CYP7B1: variants seen among roughly 807,000 people sequenced by gnomAD.
The protein encoded by CYP7B1 is cytochrome P450 7B1.
CYP7B1 carries 29 observed loss-of-function variants against 42.7 expected under a neutral mutation model. The ratio of observed to expected loss-of-function variants is 0.68; its 90% CI spans 0.51 to 0.93. The LOEUF is 0.93. Ranked by LOEUF, CYP7B1 falls within the 40% of genes least tolerant of loss-of-function variation. The probability of loss-of-function intolerance (pLI) is 0.00; values close to 1 mark genes in which losing one functional copy is unlikely to be tolerated. For synonymous variants in CYP7B1, 235 were observed against 218.2 expected, an observed-to-expected ratio of 1.08 and a Z score of -0.68; for missense variants, 655 against 600.5, an observed-to-expected ratio of 1.09 and a Z score of -0.95.
In CYP7B1 at chr8:64,726,044, A is replaced by AT. The variant is rs1807319391; in HGVS notation, c.122+72421dup. Among the ~76,000 whole-genome samples, 3 of 152,160 alleles carry AT rather than the reference A, an allele frequency of 2.0e-5. No homozygotes were observed. The South Asian group carries it at 6.2e-4, about 32-fold the overall frequency. ...GTTCTCCTGTGAGGATCTGACTGACATTTTTTAATTAAACTGGCCCACTGG... is the reference window on the plus strand; with the variant it reads ...GTTCTCCTGTGAGGATCTGACTGACATTTTTTTAATTAAACTGGCCCACTGG... On this transcript the variant is annotated intron_variant, in intron 1 of 5. Coordinates refer to ENST00000310193, the MANE Select transcript of CYP7B1 (RefSeq NM_004820.5).
intron 1 of CYP7B1, among the ~76,000 whole-genome samples, chr8:64,690,906 G>A (rs1200137506): frequency 6.6e-6 from 1 of 152,180 alleles, no homozygotes; most frequent in Non-Finnish European, 1.5e-5. Flanking sequence ...AGTAAGAAAT[G>A]GAACCAAATA....
chr8:64,784,249 G>T (rs1804482903), intron 1 of CYP7B1, among the ~76,000 whole-genome samples: 1 of 152,104 alleles, frequency 6.6e-6, no homozygotes, highest in African/African-American at 2.4e-5. Context: ...GAGACAGCAG[G>T]ACTTAGAACA....
chr8:64,797,474 C>A (rs1249047296), intron 1 of CYP7B1, among the ~76,000 whole-genome samples: 3 of 152,158 alleles, frequency 2.0e-5, no homozygotes, highest in Non-Finnish European at 4.4e-5. Flanking sequence ...AAAAGGCAAC[C>A]TGGAAGCGCA....
Position 64,594,001 on chromosome 8 carries a change from T to C in CYP7B1, c.*2641A>G, listed in dbSNP as rs542822916. 9.9e-5 allele frequency among the ~76,000 whole-genome samples: 15 copies of C among 152,212 alleles called. No individual in the cohort carries two copies. Among genetic ancestry groups the C allele is most frequent in the African/African-American group, 3.6e-4 (15 of 41,522 alleles). On this transcript the variant is annotated 3_prime_UTR_variant, in exon 6 of 6. Transcript: ENST00000310193. ...CTGACACTCTGACTCAAAATCAACC[T>C]TGGAGACCCTACAGAATGGAGAGGA...
chr8:64,690,682 G>A (rs1806725031), intron 1 of CYP7B1, among the ~76,000 whole-genome samples: 1 of 152,170 alleles, frequency 6.6e-6, no homozygotes, highest in Non-Finnish European at 1.5e-5. Flanking sequence ...AAAGAAATAT[G>A]TGAGAATTGT....
At chr8:64,692,319 G>A (rs1418837445) in intron 1 of CYP7B1, among the ~76,000 whole-genome samples, 1 of 152,156 alleles carries the variant, frequency 6.6e-6, no homozygotes, top group African/African-American at 2.4e-5. Context: ...TCTTTTTTGA[G>A]ACTATGTGTA....
intron 1 of CYP7B1, among the ~76,000 whole-genome samples, chr8:64,701,009 A>G (rs886780999): frequency 1.3e-5 from 2 of 152,068 alleles, no homozygotes; most frequent in African/African-American, 4.8e-5. Flanking sequence ...TCCTAAGAGT[A>G]ATGAAAACTT....
At chr8:64,601,063 T>A (rs1805195856) in intron 5 of CYP7B1, among the ~76,000 whole-genome samples, 2 of 152,222 alleles carry the variant, frequency 1.3e-5, no homozygotes, top group South Asian at 4.1e-4. Context: ...AGATAAAAAA[T>A]TATTGAGAGT....
intron 1 of CYP7B1, among the ~76,000 whole-genome samples, chr8:64,771,047 C>CTTTTTTTTTTTTTTTTTTTTTTTGTT: frequency 2.4e-5 from 1 of 42,486 alleles, no homozygotes; most frequent in Non-Finnish European, 4.3e-5. Flanking sequence ...ATATCAGCAT[C>CTTTTTTTTTTTTTTTTTTTTTTTGTT]TTTTTTTTTT....
chr8:64,635,140 T>G (rs1310648020), intron 1 of CYP7B1, among the ~76,000 whole-genome samples: 4 of 152,228 alleles, frequency 2.6e-5, no homozygotes, highest in Non-Finnish European at 4.4e-5. Flanking sequence ...ATTTTCCCCT[T>G]GTTGAGTAAA....
intron 1 of CYP7B1, among the ~76,000 whole-genome samples, chr8:64,628,538 C>T (rs945159733): frequency 2.6e-5 from 4 of 152,042 alleles, no homozygotes; most frequent in Non-Finnish European, 5.9e-5. Context: ...ATCCCAGCTA[C>T]TCAAGAGGCT....
At chr8:64,651,657 G>A (rs1355476652) in intron 1 of CYP7B1, among the ~76,000 whole-genome samples, 1 of 152,180 alleles carries the variant, frequency 6.6e-6, no homozygotes, top group Non-Finnish European at 1.5e-5. Flanking sequence ...TCCCATGAAT[G>A]GAATTATTGC....
At chr8:64,614,942 A>AC (rs766682920) in intron 4 of CYP7B1, 84 bp downstream of exon 4, 20 of 1,326,970 alleles carry the variant, frequency 1.5e-5, no homozygotes, top group Non-Finnish European at 2.0e-5. Flanking sequence ...TGTGTCCTCT[A>AC]CCTCTTGGTA....
chr8:64,782,169 C>T (rs1804437390), intron 1 of CYP7B1, among the ~76,000 whole-genome samples: 2 of 152,130 alleles, frequency 1.3e-5, no homozygotes, highest in Non-Finnish European at 2.9e-5. Flanking sequence ...AAGAAGGTCC[C>T]AGTGTAGGGA....
chr8:64,756,907 C>T (rs989609952), intron 1 of CYP7B1, among the ~76,000 whole-genome samples: 2 of 152,112 alleles, frequency 1.3e-5, no homozygotes, highest in Admixed American at 1.3e-4. Flanking sequence ...TTGTGCTTAC[C>T]CAGACGGTTT....
chr8:64,682,463 C>T (rs562910310), intron 1 of CYP7B1, among the ~76,000 whole-genome samples: 1 of 152,314 alleles, frequency 6.6e-6, no homozygotes, highest in Non-Finnish European at 1.5e-5. Context: ...TCAGATATTT[C>T]CTCCATTCCT....
At chr8:64,687,972 C>G (rs1806681937) in intron 1 of CYP7B1, among the ~76,000 whole-genome samples, 1 of 152,242 alleles carries the variant, frequency 6.6e-6, no homozygotes, top group African/African-American at 2.4e-5. Flanking sequence ...CTTGGTAGCT[C>G]TTCCCAGCCA....
At chr8:64,708,768 G>A (rs1245764101) in intron 1 of CYP7B1, among the ~76,000 whole-genome samples, 1 of 152,122 alleles carries the variant, frequency 6.6e-6, no homozygotes, top group Non-Finnish European at 1.5e-5. Context: ...GTTCAACACT[G>A]AAAGTACTAG....
intron 4 of CYP7B1, among the ~76,000 whole-genome samples, chr8:64,609,645 T>C (rs1163120908): frequency 2.6e-5 from 4 of 151,940 alleles, no homozygotes; most frequent in Non-Finnish European, 2.9e-5. Context: ...GTTGGAAAAG[T>C]ACAGAATTAT....
Sources: allele counts gnomAD v4.1 joint callset (sites outside exome capture counted in the v4.1 genomes callset), GRCh38; gene constraint gnomAD v4.1.1; transcripts MANE v1.5; gene names NCBI Gene and HGNC (gene_info 2026-07-23, HGNC 2026-07-21).